ATXN8OS: variants seen among roughly 807,000 people sequenced by gnomAD.
The protein encoded by ATXN8OS is ATXN8 opposite strand (non-protein coding).
intron 1 of ATXN8OS, among the ~76,000 whole-genome samples, chr13:70,110,798 T>C (rs188071860): frequency 1.3e-5 from 2 of 152,238 alleles, no homozygotes; most frequent in Admixed American, 1.3e-4. Context: ...ATTGGTCCCA[T>C]GCAGCTTGCT....
At chr13:70,123,490 C>T (rs1454413004) in intron 2 of ATXN8OS, among the ~76,000 whole-genome samples, 1 of 152,050 alleles carries the variant, frequency 6.6e-6, no homozygotes, top group Non-Finnish European at 1.5e-5. Flanking sequence ...TACGACATAG[C>T]CTAGGTGTAA....
chr13:70,112,962 G>A (rs548954695), intron 1 of ATXN8OS, among the ~76,000 whole-genome samples: 4 of 127,910 alleles, frequency 3.1e-5, no homozygotes, highest in South Asian at 2.5e-4. Context: ...TCGCTCTGTC[G>A]CCGAGGCTGG....
chr13:70,123,262 A>G (rs947425872), intron 2 of ATXN8OS, among the ~76,000 whole-genome samples: 1 of 152,120 alleles, frequency 6.6e-6, no homozygotes, highest in Non-Finnish European at 1.5e-5. Flanking sequence ...GATGTCAAGG[A>G]ATAATTGTGC....
At chr13:70,118,202 T>C (rs953499364) in intron 2 of ATXN8OS, among the ~76,000 whole-genome samples, 1 of 152,030 alleles carries the variant, frequency 6.6e-6, no homozygotes, top group African/African-American at 2.4e-5. Flanking sequence ...GTTGGGAGAA[T>C]AATGAGAAGT....
intron 4 of ATXN8OS, among the ~76,000 whole-genome samples, chr13:70,158,025 AAG>A (rs768184554): frequency 2.9e-4 from 44 of 152,176 alleles, no homozygotes; most frequent in Non-Finnish European, 5.9e-4. Flanking sequence ...TTCATTCAGT[AAG>A]AGAGTTAATC....
chr13:70,134,998 G>A (rs773746125), intron 3 of ATXN8OS, among the ~76,000 whole-genome samples: 3 of 152,144 alleles, frequency 2.0e-5, no homozygotes, highest in Non-Finnish European at 4.4e-5. Flanking sequence ...CAGGCCCAGT[G>A]CCCATTCCTA....
chr13:70,107,977 G>A (rs1888118216), exon 1 of ATXN8OS: 1 of 444,100 alleles, frequency 2.3e-6, no homozygotes, highest in African/African-American at 2.0e-5. Flanking sequence ...GCCAAAAGCT[G>A]AGAATCCTCG....
chr13:70,157,400 T>C (rs1888950663), intron 4 of ATXN8OS, among the ~76,000 whole-genome samples: 1 of 152,064 alleles, frequency 6.6e-6, no homozygotes, highest in African/African-American at 2.4e-5. Flanking sequence ...AAATCTAGAA[T>C]GTGACTCTTT....
intron 1 of ATXN8OS, among the ~76,000 whole-genome samples, chr13:70,111,488 T>C (rs1253697133): frequency 2.6e-5 from 4 of 152,120 alleles, no homozygotes. Flanking sequence ...CTTCCTTTTC[T>C]TATAAAGCCA....
chr13:70,119,891 C>A (rs895134029), intron 2 of ATXN8OS, among the ~76,000 whole-genome samples: 2 of 148,630 alleles, frequency 1.3e-5, no homozygotes, highest in Non-Finnish European at 3.0e-5. Flanking sequence ...CAAGATATTT[C>A]ATGATATATA....
At chr13:70,107,475 A>G (rs1393275117), upstream of ATXN8OS, 1 of 1,614,082 alleles carries the variant, frequency 6.2e-7, no homozygotes, top group Non-Finnish European at 8.5e-7. Flanking sequence ...ATGAAGAGGA[A>G]GAGGAGGAAG....
chr13:70,142,619 A>G (rs1888732777), intron 3 of ATXN8OS, among the ~76,000 whole-genome samples: 1 of 152,222 alleles, frequency 6.6e-6, no homozygotes, highest in African/African-American at 2.4e-5. Flanking sequence ...ACTTGTTGTA[A>G]TCACCATTAG....
chr13:70,148,797 T>G (rs1202570082), intron 4 of ATXN8OS, among the ~76,000 whole-genome samples: 1 of 152,048 alleles, frequency 6.6e-6, no homozygotes, highest in Non-Finnish European at 1.5e-5. Context: ...AACAAGCAAA[T>G]GAAAATATGT....
At chr13:70,117,896 G>A (rs1888302257) in intron 2 of ATXN8OS, among the ~76,000 whole-genome samples, 1 of 151,980 alleles carries the variant, frequency 6.6e-6, no homozygotes, top group Non-Finnish European at 1.5e-5. Context: ...TACTTAGTTG[G>A]CTTTGCAACT....
intron 2 of ATXN8OS, among the ~76,000 whole-genome samples, chr13:70,125,281 T>C (rs1184816244): frequency 6.6e-6 from 1 of 152,076 alleles, no homozygotes; most frequent in Non-Finnish European, 1.5e-5. Flanking sequence ...ATGGACAATC[T>C]TCTTAAATTT....
chr13:70,156,692 C>A (rs1481393513), intron 4 of ATXN8OS, among the ~76,000 whole-genome samples: 1 of 152,028 alleles, frequency 6.6e-6, no homozygotes, highest in Non-Finnish European at 1.5e-5. Flanking sequence ...ATAATGTTTT[C>A]TATGAGAAGC....
intron 4 of ATXN8OS, among the ~76,000 whole-genome samples, chr13:70,164,055 CTTA>C (rs56827181): frequency 0.1 from 3,044 of 29,082 alleles, 109 homozygotes; most frequent in African/African-American, 0.23. Flanking sequence ...AGTTTTTATT[CTTA>C]TTATTATTAT....
At chr13:70,168,219 C>T (rs1346840713) in intron 4 of ATXN8OS, among the ~76,000 whole-genome samples, 1 of 151,976 alleles carries the variant, frequency 6.6e-6, no homozygotes, top group Admixed American at 6.6e-5. Flanking sequence ...AATAAATGGA[C>T]ACATAATGAA....
intron 2 of ATXN8OS, among the ~76,000 whole-genome samples, chr13:70,118,157 C>A (rs1415806243): frequency 1.3e-5 from 2 of 151,996 alleles, no homozygotes; most frequent in Non-Finnish European, 2.9e-5. Context: ...CTTCAGTTGA[C>A]AAATCACTTA....
Sources: gnomAD v4.1 joint callset for allele counts (sites outside exome capture counted in the v4.1 genomes callset) on GRCh38, gnomAD v4.1.1 for gene constraint, MANE v1.5 for transcripts, NCBI Gene and HGNC (gene_info 2026-07-23, HGNC 2026-07-21) for gene names.